GRID1: variants seen among roughly 807,000 people sequenced by gnomAD.
The protein encoded by GRID1 is glutamate receptor ionotropic, delta-1.
GRID1 carries 28 observed loss-of-function variants against 98.0 expected under a neutral mutation model. That is an observed-to-expected ratio of 0.29 (90% CI 0.21 to 0.39). The LOEUF is 0.39. Ranked by LOEUF, GRID1 falls within the 10% of genes least tolerant of loss-of-function variation. The pLI, the probability that GRID1 is intolerant of heterozygous loss-of-function variation, is 1.00. For synonymous variants in GRID1, 553 were observed against 538.5 expected, an observed-to-expected ratio of 1.03 and a Z score of -0.37; for missense variants, 1,111 against 1,340.5, an observed-to-expected ratio of 0.83 and a Z score of 2.67.
At chr10:85,604,510 G>T (rs546747967) in intron 15 of GRID1, among the ~76,000 whole-genome samples, 1 of 152,142 alleles carries the variant, frequency 6.6e-6, no homozygotes, top group African/African-American at 2.4e-5. Context: ...CAGCTCATTC[G>T]TGCTGGGAGA....
intron 12 of GRID1, among the ~76,000 whole-genome samples, chr10:85,665,007 T>C (rs1841003787): frequency 6.6e-6 from 1 of 152,220 alleles, no homozygotes; most frequent in Non-Finnish European, 1.5e-5. Flanking sequence ...ACACAGATTA[T>C]ACAGTATACA....
In GRID1 at chr10:85,859,762, C is replaced by A. The variant is rs1843147636; in HGVS notation, c.952-3572G>T. Among the ~76,000 whole-genome samples the A allele has an allele frequency of 1.3e-5, 2 of 152,176 alleles. 1 individual carries two copies. Among genetic ancestry groups the A allele is most frequent in the South Asian group, 4.1e-4 (2 of 4,830 alleles). The stretch of plus-strand genomic sequence containing the variant: ...GTGGCTCCCCCATCTTCTCTCCAAC[C>A]TCAGCATCCTCACTGAGACGACCTA... On this transcript the variant is annotated intron_variant, in intron 6 of 15. Transcript: ENST00000327946.
intron 2 of GRID1, among the ~76,000 whole-genome samples, chr10:86,300,513 AGGGAGGGGAAGGGAGGGGAGGGGAG>A (rs1431429057): frequency 3.5e-4 from 4 of 11,434 alleles, no homozygotes; most frequent in Admixed American, 1.4e-3. Context: ...GGGGAGGGGA[AGGGAGGGGAAGGGAGGGGAGGGGAG>A]GGGAGGGGAG....
chr10:85,818,504 A>C (rs535346672), intron 8 of GRID1, among the ~76,000 whole-genome samples: 5 of 152,208 alleles, frequency 3.3e-5, no homozygotes, highest in Non-Finnish European at 7.3e-5. Context: ...TCTAAATACC[A>C]CTGAAATAAG....
In GRID1 at chr10:85,943,814, T is replaced by C. The variant is rs77589136; in HGVS notation, c.727-27575A>G. Among the ~76,000 whole-genome samples the C allele has an allele frequency of 5.3e-5, 8 of 152,344 alleles. No homozygotes were observed. The East Asian group carries it at 7.7e-4, about 15-fold the overall frequency. On this transcript the variant is annotated intron_variant, in intron 4 of 15. Transcript: ENST00000327946. The stretch of plus-strand genomic sequence containing the variant: ...AAAGAAATTGAAAAGGCTAATGTGA[T>C]AGATCGCAAACAATGGCCACACGAT...
At chr10:86,159,284 C>A (rs1845287400) in intron 3 of GRID1, among the ~76,000 whole-genome samples, 1 of 152,140 alleles carries the variant, frequency 6.6e-6, no homozygotes. Context: ...CAGTCATGCA[C>A]CACAAAATGA....
At chr10:86,244,220 G>C (rs962647018) in intron 2 of GRID1, among the ~76,000 whole-genome samples, 8 of 152,156 alleles carry the variant, frequency 5.3e-5, no homozygotes, top group Non-Finnish European at 8.8e-5. Flanking sequence ...CCTTAGCAAG[G>C]TCAGTAATCC....
chr10:86,344,162 G>C (rs915886685), intron 2 of GRID1, among the ~76,000 whole-genome samples: 3 of 152,248 alleles, frequency 2.0e-5, no homozygotes, highest in African/African-American at 7.2e-5. Context: ...TGGGTCTGCT[G>C]TGCCCACAGT....
intron 2 of GRID1, among the ~76,000 whole-genome samples, chr10:86,291,209 T>C (rs915097680): frequency 5.3e-5 from 8 of 152,036 alleles, no homozygotes; most frequent in African/African-American, 1.7e-4. Context: ...CCAGAGGGCC[T>C]CCAGATCCAC....
At chr10:86,056,371 T>A (rs921135466) in intron 4 of GRID1, among the ~76,000 whole-genome samples, 33 of 152,318 alleles carry the variant, frequency 2.2e-4, no homozygotes, top group African/African-American at 7.7e-4. Flanking sequence ...GAAGTGCTCA[T>A]TTGTCCAAAC....
At chr10:86,319,268 C>G (rs976520709) in intron 2 of GRID1, among the ~76,000 whole-genome samples, 3 of 152,158 alleles carry the variant, frequency 2.0e-5, no homozygotes, top group Non-Finnish European at 4.4e-5. Context: ...AAGCAAGAGT[C>G]ACAGCCTCCC....
chr10:85,776,639 G>A (rs370501022), intron 8 of GRID1, among the ~76,000 whole-genome samples: 2 of 152,276 alleles, frequency 1.3e-5, no homozygotes, highest in South Asian at 2.1e-4. Context: ...TCTACCAAGC[G>A]CAGCGACCGC....
intron 8 of GRID1, among the ~76,000 whole-genome samples, chr10:85,801,815 A>T (rs1001038360): frequency 3.3e-5 from 5 of 151,920 alleles, no homozygotes; most frequent in African/African-American, 1.2e-4. Flanking sequence ...TAGGGAAAAA[A>T]ACCTAAGAAT....
chr10:86,166,169 T>C (rs1448666382), intron 3 of GRID1, among the ~76,000 whole-genome samples: 1 of 152,166 alleles, frequency 6.6e-6, no homozygotes, highest in Non-Finnish European at 1.5e-5. Context: ...AACATGCAGG[T>C]TTGTTACATA....
chr10:85,857,662 C>A lies in GRID1; in HGVS notation c.952-1472G>T, dbSNP rs145805079. On this transcript the variant is annotated intron_variant, in intron 6 of 15. Transcript: ENST00000327946. ...CTCAGCCAAAGTGGGTCAAGGGGAC[C>A]ATTCTCTGAACGCCTAAGCAGCAAG... Among the ~76,000 whole-genome samples, 155 of 152,290 alleles carry A rather than the reference C, an allele frequency of 1.0e-3. 1 individual carries two copies. Among genetic ancestry groups the A allele is most frequent in the Middle Eastern group, 3.4e-3 (1 of 294 alleles).
chr10:85,706,030 C>A (rs1224605818), intron 12 of GRID1, among the ~76,000 whole-genome samples: 1 of 152,178 alleles, frequency 6.6e-6, no homozygotes, highest in African/African-American at 2.4e-5. Context: ...AAACTGGAAG[C>A]ATTCCCTTTG....
intron 4 of GRID1, among the ~76,000 whole-genome samples, chr10:86,006,623 A>G (rs1842863919): frequency 6.6e-6 from 1 of 152,292 alleles, no homozygotes; most frequent in Non-Finnish European, 1.5e-5. Context: ...TCTAAAAAAA[A>G]AAAAGCACTT....
intron 2 of GRID1, among the ~76,000 whole-genome samples, chr10:86,353,036 A>G (rs1848483432): frequency 6.6e-6 from 1 of 152,160 alleles, no homozygotes; most frequent in Non-Finnish European, 1.5e-5. Flanking sequence ...AGGCCTACAC[A>G]TCTGAGGCCA....
intron 5 of GRID1, among the ~76,000 whole-genome samples, chr10:85,880,397 A>G (rs1233712167): frequency 6.6e-6 from 1 of 152,246 alleles, no homozygotes; most frequent in Non-Finnish European, 1.5e-5. Context: ...AACTGAATCC[A>G]GCAGCACATC....
Sources: allele counts gnomAD v4.1 joint callset (sites outside exome capture counted in the v4.1 genomes callset), GRCh38; gene constraint gnomAD v4.1.1; transcripts MANE v1.5; gene names NCBI Gene and HGNC (gene_info 2026-07-23, HGNC 2026-07-21).